DST: variants seen among roughly 807,000 people sequenced by gnomAD.
The protein encoded by DST is dystonin.
Under a neutral mutation model 875.2 loss-of-function variants are expected in DST, and 253 were observed. The observed-to-expected ratio is 0.29, with a 90% CI of 0.26 to 0.32. The LOEUF (loss-of-function observed/expected upper bound fraction) is 0.32, where lower values mean the gene tolerates loss of function less well. Ranked by LOEUF, DST falls within the 10% of genes least tolerant of loss-of-function variation. The pLI, the probability that DST is intolerant of heterozygous loss-of-function variation, is 1.00. For missense variants in DST, 8,287 were observed against 9,111.6 expected, an observed-to-expected ratio of 0.91 and a Z score of 3.68; for synonymous variants, 3,124 against 3,197.1, an observed-to-expected ratio of 0.98 and a Z score of 0.77.
chr6:56,920,776 T>G (rs1803730508), intron 2 of DST, among the ~76,000 whole-genome samples: 1 of 147,906 alleles, frequency 6.8e-6, no homozygotes, highest in Non-Finnish European at 1.5e-5. Context: ...TCACCCAGGC[T>G]GGAGTGCAGT....
Position 56,615,843 on chromosome 6 carries a change from C to G in DST, c.4930-1359G>C, listed in dbSNP as rs200037204. 2.1e-4 allele frequency: 341 copies of G among 1,614,028 alleles called. No individual in the cohort carries two copies. Among genetic ancestry groups the G allele is most frequent in the Non-Finnish European group, 2.8e-4 (335 of 1,180,040 alleles). ...TCCTTATTTATAATATTTGCATTCA[C>G]AGCTTCCACCACTGACATCATTTTG... On this transcript the variant is annotated intron_variant, in intron 36 of 103. Transcript: ENST00000680361.
chr6:56,553,008 G>A lies in DST; in HGVS notation c.15784C>T (p.His5262Tyr), dbSNP rs769516610. The A allele has an allele frequency of 2.2e-5, 35 of 1,613,774 alleles. No homozygotes were observed. Among genetic ancestry groups the A allele is most frequent in the Non-Finnish European group, 3.0e-5 (35 of 1,179,892 alleles). The part of the protein sequence containing the change: ...QKVDMVTEQL[H>Y]SKKFCLENMT... The stretch of plus-strand genomic sequence containing the variant: ...TTCTCCAGACAGAATTTCTTACTGT[G>A]AAGTTGTTCAGTGACCATGTCCACC... Residue 5262 changes from histidine (H) to tyrosine (Y), a missense_variant, in exon 61 of 104, where the codon CAC (histidine) becomes TAC (tyrosine). Around this residue, in one of 10 missense-constraint regions of DST, gnomAD observed 1,513 missense variants for 1,677.8 expected, o/e 0.90. Transcript: ENST00000680361.
chr6:56,569,792 T>A, intron 54 of DST, 64 bp downstream of exon 54: 1 of 1,415,930 alleles, frequency 7.1e-7, no homozygotes. Flanking sequence ...AAAACTACCA[T>A]TAGTCTTTTA....
chr6:56,598,724 G>C lies in DST; in HGVS notation c.11695-15C>G. The C allele has an allele frequency of 6.9e-7, 1 of 1,447,788 alleles. No individual in the cohort carries two copies. Among genetic ancestry groups the C allele is most frequent in the Non-Finnish European group, 9.3e-7 (1 of 1,069,838 alleles). 89.7% of individuals were successfully genotyped at this position (1,447,788 alleles called of 1,614,324 possible). On this transcript the variant is annotated splice_polypyrimidine_tract_variant and intron_variant, in intron 45 of 103. Coordinates refer to ENST00000680361, the MANE Select transcript of DST (RefSeq NM_001374736.1). ...TTCTGTAATTCCTTATAACACAAAA[G>C]GAAAAAATATATTTTATTAAATTAT...
Position 56,714,342 on chromosome 6 carries a change from A to G in DST, c.688-9973T>C, listed in dbSNP as rs2099387761. Among the ~76,000 whole-genome samples the G allele has an allele frequency of 6.6e-6, 1 of 152,212 alleles. No individual in the cohort carries two copies. The highest frequency in any genetic ancestry group is 1.5e-5 in the Non-Finnish European group (1 of 68,028). On this transcript the variant is annotated intron_variant, in intron 5 of 103. Coordinates refer to ENST00000680361, the MANE Select transcript of DST (RefSeq NM_001374736.1). This position sits in a 1 kb window ranked among gnomAD's most constrained non-coding sequence, Gnocchi z 4.5. ...TTCTGTAGGAGGATTAAAAGTTTCAAAGTGATCACTTCCTAAATGACATCA... is the reference window on the plus strand; with the variant it reads ...TTCTGTAGGAGGATTAAAAGTTTCAGAGTGATCACTTCCTAAATGACATCA...
intron 58 of DST, among the ~76,000 whole-genome samples, 194 bp downstream of exon 58, chr6:56,560,100 T>G (rs182858261): frequency 2.2e-4 from 34 of 152,220 alleles, no homozygotes; most frequent in African/African-American, 7.2e-4. Flanking sequence ...GTGTTTACCA[T>G]AAAAAACATA....
At position 56,642,625 on chromosome 6, in the gene DST, T is replaced by G. The variant is rs745497228; in HGVS notation, c.1779-122A>C. On this transcript the variant is annotated intron_variant, in intron 15 of 103. Coordinates refer to ENST00000680361, the MANE Select transcript of DST (RefSeq NM_001374736.1). ...TCCCACACCAATGATTCAATACCTG[T>G]GTCCATCAAAGGATTCACTGCCGAA... is the stretch of plus-strand genomic sequence containing the variant. 2.5e-6 allele frequency: 4 copies of G among 1,614,168 alleles called. No homozygotes were observed. The Admixed American group carries it at 5.0e-5, about 20-fold the overall frequency.
intron 8 of DST, among the ~76,000 whole-genome samples, chr6:56,700,500 C>T (rs560491065): frequency 6.6e-6 from 1 of 152,216 alleles, no homozygotes; most frequent in East Asian, 1.9e-4. Context: ...ATTTCCATTA[C>T]AAGGTTTTAA....
In DST at chr6:56,632,866, A is replaced by C. The variant is rs778491882; in HGVS notation, c.3793T>G (p.Ser1265Ala). Residue 1265 changes from serine (S) to alanine (A), a missense_variant, in exon 28 of 104, where the codon TCT becomes GCT. Physicochemically the swap from Ser to Ala is moderately conservative, Grantham distance 99. Around this residue, in one of 10 missense-constraint regions of DST, gnomAD observed 3,138 missense variants for 3,116.6 expected, o/e 1.01. Transcript: ENST00000680361. ...CCCCATGCTTTACCTCTTTCTGCAG[A>C]TTTAAGAAGTTCTTGATAATACTGC... ...CKQYYQELLK[S>A]AEREEQEESV... The C allele has an allele frequency of 1.2e-6, 2 of 1,613,794 alleles. No homozygotes were observed. The highest frequency in any genetic ancestry group is 2.2e-5 in the South Asian group (2 of 91,082).
Position 56,552,340 on chromosome 6 carries a change from T to G in DST, c.16452A>C (p.Glu5484Asp). ...GCTTAATTGTCCCTTCAACCTGCTC[T>G]TCTCTGGCTTGGGCTCGGTCCAGTA... ...NKLLDRAQAR[E>D]EQVEGTIKRL... is the part of the protein sequence containing the mutation. The change falls in exon 61 of 104, where the codon GAA (glutamate) becomes GAC (aspartate). Residue 5484 changes from glutamate (E) to aspartate (D), a missense_variant. Physicochemically the swap from Glu to Asp is conservative, Grantham distance 45 (BLOSUM62 2). Around this residue, in one of 10 missense-constraint regions of DST, gnomAD observed 777 missense variants for 764.8 expected, o/e 1.02. Transcript: ENST00000680361. 6.2e-7 allele frequency: 1 copy of G among 1,614,018 alleles called. No individual in the cohort carries two copies. Among genetic ancestry groups the G allele is most frequent in the Non-Finnish European group, 8.5e-7 (1 of 1,179,894 alleles).
chr6:56,949,046 C>A (rs767982057), intron 2 of DST, among the ~76,000 whole-genome samples: 7 of 152,294 alleles, frequency 4.6e-5, no homozygotes, highest in African/African-American at 7.2e-5. Flanking sequence ...ATTTTGAACT[C>A]ATATTCTTAT....
At chr6:56,851,274 C>T in intron 4 of DST, 123 bp downstream of exon 4, 3 of 872,706 alleles carry the variant, frequency 3.4e-6, no homozygotes, top group Middle Eastern at 7.1e-4. Context: ...CATCATCCTC[C>T]CCCACCTTGA....
intron 4 of DST, among the ~76,000 whole-genome samples, chr6:56,777,201 A>G (rs972048002): frequency 1.3e-5 from 2 of 152,158 alleles, no homozygotes; most frequent in African/African-American, 4.8e-5. Flanking sequence ...TGTTTAAGGC[A>G]ATCCAACAAA....
At position 56,604,020 on chromosome 6, in the gene DST, T is replaced by C. The variant is rs1263173826; in HGVS notation, c.10608A>G (p.Glu3536=). ...PHILGDIKSK[E]GNYYSPNLET... is the part of the protein sequence containing the mutation. ...CTAAATTAGGAGAATAGTAGTTTCCTTCTTTGCTTTTAATATCACCAAGAA... is the reference window on the plus strand; with the variant it reads ...CTAAATTAGGAGAATAGTAGTTTCCCTCTTTGCTTTTAATATCACCAAGAA... Residue 3536 remains glutamate, a synonymous_variant, in exon 40 of 104, where the codon GAA becomes GAG. Coordinates refer to ENST00000680361, the MANE Select transcript of DST (RefSeq NM_001374736.1). The C allele has an allele frequency of 6.3e-7, 1 of 1,595,986 alleles. No individual in the cohort carries two copies. The highest frequency in any genetic ancestry group is 2.2e-5 in the East Asian group (1 of 44,516).
rs375717833 is a variant in DST at position 56,618,954 on chromosome 6, C to T, written c.4930-4470G>A. 8 of 1,613,794 alleles carry T rather than the reference C, an allele frequency of 5.0e-6. No individual in the cohort carries two copies. The highest frequency in any genetic ancestry group is 1.7e-5 in the Admixed American group (1 of 59,996). On this transcript the variant is annotated intron_variant, in intron 36 of 103. Coordinates refer to ENST00000680361, the MANE Select transcript of DST (RefSeq NM_001374736.1). ...ACTTTCTGCTCCCCGCGTCGCTTCTCTTCTTTGGAAGCATTCAGTTCCGCA... is the reference window on the plus strand; with the variant it reads ...ACTTTCTGCTCCCCGCGTCGCTTCTTTTCTTTGGAAGCATTCAGTTCCGCA...
Position 56,692,531 on chromosome 6 carries a change from T to A in DST, c.1047+7122A>T, listed in dbSNP as rs1254449778. ...TTTTCTTGAATACTGCTATAACTTTTTGGTGGGTCTTCAGGAAACCCACTT... is the reference window on the plus strand; with the variant it reads ...TTTTCTTGAATACTGCTATAACTTTATGGTGGGTCTTCAGGAAACCCACTT... On this transcript the variant is annotated intron_variant, in intron 9 of 103. Coordinates refer to ENST00000680361, the MANE Select transcript of DST (RefSeq NM_001374736.1). The A allele has an allele frequency of 3.1e-6, 4 of 1,289,692 alleles. No individual in the cohort carries two copies. The African/African-American group carries it at 4.6e-5, about 15-fold the overall frequency. 79.9% of individuals were successfully genotyped at this position (1,289,692 alleles called of 1,614,324 possible).
intron 55 of DST, among the ~76,000 whole-genome samples, chr6:56,567,398 A>G (rs1260079346): frequency 1.3e-5 from 2 of 150,964 alleles, no homozygotes; most frequent in Non-Finnish European, 2.9e-5. Context: ...GCTCACTACT[A>G]ATTCCTACCA....
rs753122895 is a variant in DST, at chr6:56,553,633, C to A, written c.15159G>T (p.Gln5053His). 3 of 1,613,258 alleles carry A rather than the reference C, an allele frequency of 1.9e-6. No homozygotes were observed. Among genetic ancestry groups the A allele is most frequent in the Admixed American group, 3.3e-5 (2 of 60,008 alleles). The change falls in exon 61 of 104, where the codon CAG becomes CAT. Residue 5053 changes from glutamine to histidine, a missense_variant. By Grantham distance (24) the Gln-to-His change is conservative (BLOSUM62 0). Coordinates refer to ENST00000680361, the MANE Select transcript of DST (RefSeq NM_001374736.1). ...ATTGATGAGAGCTTGCACAGGCCGA[C>A]TGAAGGTGCTGGACATGATTCTCTA... Reference protein sequence around the residue: ...QKAENHVQHLQSACASSHQFQ... With the variant: ...QKAENHVQHLHSACASSHQFQ...
At chr6:56,478,635 C>T (rs9370535) in intron 90 of DST, among the ~76,000 whole-genome samples, 34,623 of 152,056 alleles carry the variant, frequency 0.23, 4,547 homozygotes, top group Middle Eastern at 0.42. Context: ...AAATGTGACA[C>T]GCTTCCAAAA....
Sources: allele counts gnomAD v4.1 joint callset (sites outside exome capture counted in the v4.1 genomes callset), GRCh38; gene constraint gnomAD v4.1.1; regional missense constraint gnomAD v4.1.1; non-coding constraint Gnocchi (gnomAD v3.1); transcripts MANE v1.5; gene names NCBI Gene and HGNC (gene_info 2026-07-23, HGNC 2026-07-21).